The following SETD5 variants were observed in gnomAD, a reference collection of about 807,000 sequenced individuals.
The protein encoded by SETD5 is histone-lysine N-methyltransferase SETD5.
A neutral mutation model predicts 153.3 loss-of-function variants in SETD5; 44 were observed. That is an observed-to-expected ratio of 0.29 (90% CI 0.23 to 0.37). The LOEUF (loss-of-function observed/expected upper bound fraction) is 0.37, where lower values mean the gene tolerates loss of function less well. Among genes scored for constraint, SETD5 ranks in the 10% least tolerant of loss-of-function variants. SETD5 has a pLI of 1.00. For synonymous variants in SETD5, 716 were observed against 645.2 expected (o/e 1.11, Z -1.66); for missense variants, 1,544 against 1,768.0 (o/e 0.87, Z 2.27).
At chr3:9,455,701 A>G (rs2043153712) in intron 17 of SETD5, among the ~76,000 whole-genome samples, 1 of 152,088 alleles carries the variant, frequency 6.6e-6, no homozygotes, top group Non-Finnish European at 1.5e-5. Context: ...ATAGACTATC[A>G]TGTTTGTGTA....
At chr3:9,427,004 C>G (rs2125018656) in intron 2 of SETD5, among the ~76,000 whole-genome samples, 1 of 152,292 alleles carries the variant, frequency 6.6e-6, no homozygotes, top group Non-Finnish European at 1.5e-5. Context: ...CACCTCAGCT[C>G]CCAAGTAGCT....
intron 10 of SETD5, 133 bp downstream of exon 10, chr3:9,442,378 A>ATTTC: frequency 1.5e-6 from 1 of 675,960 alleles, no homozygotes; most frequent in East Asian, 2.7e-5. Flanking sequence ...GGGAGGTGAA[A>ATTTC]AACAAAAGTA....
chr3:9,465,860 A>G (rs1020089410), intron 18 of SETD5, among the ~76,000 whole-genome samples: 34 of 152,194 alleles, frequency 2.2e-4, no homozygotes, highest in African/African-American at 4.6e-4. Flanking sequence ...TCTACTTGCA[A>G]TTGACTTTGC....
Position 9,443,368 on chromosome 3 carries a change from A to G in SETD5, c.1138A>G (p.Thr380Ala). 1.3e-6 allele frequency: 2 copies of G among 1,508,204 alleles called. No homozygotes were observed. The highest frequency in any genetic ancestry group is 1.8e-6 in the Non-Finnish European group (2 of 1,127,450). 93.4% of individuals were successfully genotyped at this position (1,508,204 alleles called of 1,614,324 possible). Residue 380 changes from threonine (T) to alanine (A), a missense_variant, in exon 11 of 23, where the codon ACC (threonine) becomes GCC (alanine). Around this residue, in one of 9 missense-constraint regions of SETD5, gnomAD observed 46 missense variants for 111.8 expected, o/e 0.41. Coordinates refer to ENST00000402198, the MANE Select transcript of SETD5 (RefSeq NM_001080517.3). ...HLCIYAVSAITKDAEVTIAFD... is the reference protein window; with the variant it reads ...HLCIYAVSAIAKDAEVTIAFD... Reference sequence around the variant, plus strand: ...GTGCATCTATGCTGTGTCTGCCATCACCAAGGATGCTGAGGTCACCATAGC... The same window carrying G: ...GTGCATCTATGCTGTGTCTGCCATCGCCAAGGATGCTGAGGTCACCATAGC...
intron 2 of SETD5, among the ~76,000 whole-genome samples, chr3:9,427,394 A>G (rs1270133161): frequency 6.6e-6 from 1 of 152,288 alleles, no homozygotes; most frequent in Middle Eastern, 3.4e-3. Context: ...TACTAAAAGT[A>G]CAAAAATTAG....
At chr3:9,455,958 T>C (rs1007892580) in intron 17 of SETD5, among the ~76,000 whole-genome samples, 1 of 152,068 alleles carries the variant, frequency 6.6e-6, no homozygotes, top group Admixed American at 6.6e-5. Flanking sequence ...TGTAGGAAAA[T>C]ATTTGATTTT....
chr3:9,444,547 T>TC (rs954428466), intron 11 of SETD5, among the ~76,000 whole-genome samples: 15 of 151,974 alleles, frequency 9.9e-5, no homozygotes, highest in African/African-American at 2.9e-4. Flanking sequence ...CTTTTTTTTT[T>TC]CCCACTGACC....
chr3:9,445,965 G>GTTTTTTTTTTTTTTTTTTTTTTTTTTTT (rs376821559), intron 13 of SETD5, among the ~76,000 whole-genome samples: 2 of 86,460 alleles, frequency 2.3e-5, no homozygotes, highest in African/African-American at 9.4e-5. Flanking sequence ...TGAAGAGGTT[G>GTTTTTTTTTTTTTTTTTTTTTTTTTTTT]TTTTTTTTTT....
At chr3:9,426,836 C>T (rs1354048608) in intron 2 of SETD5, among the ~76,000 whole-genome samples, 1 of 152,184 alleles carries the variant, frequency 6.6e-6, no homozygotes, top group African/African-American at 2.4e-5. Flanking sequence ...CTTCATCTGG[C>T]CCAGTCATTT....
intron 1 of SETD5, among the ~76,000 whole-genome samples, chr3:9,410,774 A>C (rs552020065): frequency 2.6e-5 from 4 of 152,180 alleles, no homozygotes; most frequent in African/African-American, 9.6e-5. Context: ...TTTACACTGT[A>C]GAAGAGGAAT....
chr3:9,409,270 A>T (rs1432153714), intron 1 of SETD5, among the ~76,000 whole-genome samples: 1 of 152,044 alleles, frequency 6.6e-6, no homozygotes, highest in Non-Finnish European at 1.5e-5. Flanking sequence ...CCTTATTTTT[A>T]TTTGGCTATA....
chr3:9,429,088 A>G lies in SETD5; in HGVS notation c.71+79A>G, dbSNP rs755986055. ...CTTCTTATGGATAGCTAATAGGATA[A>G]TATGTAGTATTTTCTTAACCAGATC... On this transcript the variant is annotated intron_variant, in intron 3 of 22. Coordinates refer to ENST00000402198, the MANE Select transcript of SETD5 (RefSeq NM_001080517.3). 868 of 944,762 alleles carry G rather than the reference A, an allele frequency of 9.2e-4. No homozygotes were observed. The highest frequency in any genetic ancestry group is 1.2e-3 in the Non-Finnish European group (740 of 604,808). The allele number at this position is 944,762 out of a possible 1,614,324, so 58.5% of individuals were successfully genotyped here. A position where few individuals can be genotyped will look rare whatever the true frequency, so the allele number is the denominator to read the frequency against.
chr3:9,458,600 ATCTG>A (rs2043545298), intron 17 of SETD5, among the ~76,000 whole-genome samples: 2 of 152,212 alleles, frequency 1.3e-5, no homozygotes, highest in South Asian at 4.1e-4. Context: ...ACAGCAAGAC[ATCTG>A]TCTCTAAAAA....
At chr3:9,427,439 A>G (rs1463680412) in intron 2 of SETD5, among the ~76,000 whole-genome samples, 3 of 152,132 alleles carry the variant, frequency 2.0e-5, no homozygotes, top group African/African-American at 7.2e-5. Context: ...AATCCTAACT[A>G]CTTGGGAAGC....
At chr3:9,465,096 A>G in intron 18 of SETD5, 1 of 192,314 alleles carries the variant, frequency 5.2e-6, no homozygotes, top group South Asian at 1.0e-4. Context: ...AAATAAGTGA[A>G]GTGTCTTTCC....
chr3:9,468,707 C>T (rs1268893654), intron 18 of SETD5: 4 of 652,476 alleles, frequency 6.1e-6, no homozygotes, highest in Non-Finnish European at 9.7e-6. Context: ...CACTCAGTCA[C>T]AGTAAGTTGA....
intron 3 of SETD5, chr3:9,431,101 A>T: frequency 3.0e-6 from 3 of 985,438 alleles, no homozygotes; most frequent in Non-Finnish European, 2.4e-6. Context: ...ACTCAACTAG[A>T]TGTAGACTTC....
intron 7 of SETD5, chr3:9,436,990 G>C: frequency 9.5e-7 from 1 of 1,047,128 alleles, no homozygotes; most frequent in Non-Finnish European, 1.4e-6. Context: ...CTTGGACTCT[G>C]CTTTTCATTA....
chr3:9,440,925 C>T (rs1047929272), intron 8 of SETD5, among the ~76,000 whole-genome samples: 15 of 152,058 alleles, frequency 9.9e-5, no homozygotes, highest in Admixed American at 1.3e-4. Context: ...TGAATTGAGG[C>T]TGTGTGCAGT....
Sources: gnomAD v4.1 joint callset for allele counts (sites outside exome capture counted in the v4.1 genomes callset) on GRCh38, gnomAD v4.1.1 for gene constraint, gnomAD v4.1.1 regional missense constraint, MANE v1.5 for transcripts, NCBI Gene and HGNC (gene_info 2026-07-23, HGNC 2026-07-21) for gene names.